CALN1: variants seen among roughly 807,000 people sequenced by gnomAD.
CALN1 encodes calcium-binding protein 8.
A neutral mutation model predicts 30.6 loss-of-function variants in CALN1; 17 were observed. That is an observed-to-expected ratio of 0.56 (90% CI 0.38 to 0.83). The LOEUF is 0.83. Among genes scored for constraint, CALN1 ranks in the 40% least tolerant of loss-of-function variants. The probability of loss-of-function intolerance (pLI) is 0.00; values close to 1 mark genes in which losing one functional copy is unlikely to be tolerated. For missense variants in CALN1, 291 were observed against 354.9 expected (o/e 0.82, Z 1.45); for synonymous variants, 156 against 131.4 (o/e 1.19, Z -1.28).
the CALN1 span, among the ~76,000 whole-genome samples, chr7:72,500,269 CTTTTTTTTTTTTTTT>C: frequency 2.5e-4 from 13 of 51,396 alleles, no homozygotes; most frequent in African/African-American, 9.3e-4. Flanking sequence ...TTCGTTCCTT[CTTTTTTTTTTTTTTT>C]TTTTTTTTTT....
chr7:72,484,703 TCTCAA>T, the CALN1 span, among the ~76,000 whole-genome samples: 1 of 152,080 alleles, frequency 6.6e-6, no homozygotes, highest in Non-Finnish European at 1.5e-5. Context: ...AGCTATCTCT[TCTCAA>T]CTCAAGAAGG....
chr7:72,459,625 C>CAA, the CALN1 span, among the ~76,000 whole-genome samples: 1,177 of 44,300 alleles, frequency 0.027, 24 homozygotes, highest in African/African-American at 0.083. Context: ...AACCCTGTCT[C>CAA]AAAAAAAAAA....
At chr7:72,311,777 G>A (rs981582463) in intron 2 of CALN1, among the ~76,000 whole-genome samples, 13 of 150,194 alleles carry the variant, frequency 8.7e-5, no homozygotes, top group East Asian at 7.8e-4. Context: ...GATTACAGGC[G>A]TGAGCCACCA....
chr7:71,856,311 C>A (rs971705486), intron 5 of CALN1, among the ~76,000 whole-genome samples: 1 of 151,758 alleles, frequency 6.6e-6, no homozygotes, highest in East Asian at 1.9e-4. Flanking sequence ...TATTTTGAGA[C>A]AGGGTCTTAC....
chr7:72,194,615 C>T (rs1175282896), intron 3 of CALN1, among the ~76,000 whole-genome samples: 7 of 105,944 alleles, frequency 6.6e-5, no homozygotes, highest in Non-Finnish European at 1.3e-4. Flanking sequence ...TTTTTTTTGA[C>T]AGAGTCTTGC....
chr7:72,035,610 G>A (rs1348067695), intron 4 of CALN1, among the ~76,000 whole-genome samples: 1 of 151,692 alleles, frequency 6.6e-6, no homozygotes, highest in African/African-American at 2.4e-5. Context: ...TCCTTTTTGT[G>A]TATATTTTAT....
At chr7:71,985,780 G>C (rs571711889) in intron 5 of CALN1, among the ~76,000 whole-genome samples, 3 of 151,806 alleles carry the variant, frequency 2.0e-5, no homozygotes, top group Non-Finnish European at 4.4e-5. Context: ...GATAGAGACA[G>C]GATTTCTCTG....
At chr7:72,397,422 G>A (rs574696306) in intron 2 of CALN1, among the ~76,000 whole-genome samples, 54 of 152,196 alleles carry the variant, frequency 3.5e-4, no homozygotes, top group African/African-American at 1.3e-3. Context: ...GCAACAAGAG[G>A]TGAGAATGTT....
intron 6 of CALN1, among the ~76,000 whole-genome samples, chr7:71,801,953 G>A (rs767553261): frequency 7.2e-5 from 11 of 151,792 alleles, no homozygotes; most frequent in Non-Finnish European, 1.0e-4. Context: ...ACTCCAGCCC[G>A]GGCAACAGAG....
intron 2 of CALN1, among the ~76,000 whole-genome samples, chr7:72,322,055 C>G (rs1258372851): frequency 2.0e-5 from 3 of 152,172 alleles, no homozygotes; most frequent in Non-Finnish European, 2.9e-5. Flanking sequence ...TTATCGTGCA[C>G]TTTATTTCTA....
At chr7:72,296,039 T>A (rs944865427) in intron 2 of CALN1, among the ~76,000 whole-genome samples, 2 of 152,200 alleles carry the variant, frequency 1.3e-5, no homozygotes, top group African/African-American at 4.8e-5. Flanking sequence ...ATACATCCCA[T>A]CAATACCTAA....
At chr7:71,975,288 A>G (rs1329156971) in intron 5 of CALN1, among the ~76,000 whole-genome samples, 1 of 152,162 alleles carries the variant, frequency 6.6e-6, no homozygotes, top group Non-Finnish European at 1.5e-5. Context: ...ATAAAAAACA[A>G]TAAAGTTTAA....
At chr7:72,177,196 A>C (rs1303571030) in intron 3 of CALN1, among the ~76,000 whole-genome samples, 1 of 152,230 alleles carries the variant, frequency 6.6e-6, no homozygotes, top group Non-Finnish European at 1.5e-5. Flanking sequence ...CTGATGCACC[A>C]GAACACTGTC....
At chr7:72,003,606 G>A (rs371390439) in intron 5 of CALN1, among the ~76,000 whole-genome samples, 3 of 152,308 alleles carry the variant, frequency 2.0e-5, no homozygotes, top group African/African-American at 7.2e-5. Context: ...AACTACACAT[G>A]TGAGGGATCT....
intron 5 of CALN1, among the ~76,000 whole-genome samples, chr7:71,847,953 C>A (rs561904407): frequency 6.6e-6 from 1 of 152,232 alleles, no homozygotes; most frequent in East Asian, 1.9e-4. Flanking sequence ...TGTGAGGCCT[C>A]CCCAGCCATG....
intron 4 of CALN1, among the ~76,000 whole-genome samples, chr7:72,042,691 G>A (rs968208205): frequency 2.6e-5 from 4 of 152,076 alleles, no homozygotes; most frequent in African/African-American, 7.2e-5. Flanking sequence ...AACTCTGATT[G>A]TGTCACTGCA....
intron 4 of CALN1, among the ~76,000 whole-genome samples, chr7:72,054,433 G>GTA (rs60932081): frequency 1.7e-4 from 17 of 99,584 alleles, no homozygotes; most frequent in South Asian, 3.7e-4. Context: ...ATATATACAC[G>GTA]TATATATATA....
At chr7:72,349,281 C>CG (rs1216610571) in intron 2 of CALN1, among the ~76,000 whole-genome samples, 11 of 111,048 alleles carry the variant, frequency 9.9e-5, no homozygotes, top group African/African-American at 2.7e-4. Flanking sequence ...AACACGCGTG[C>CG]TTGTGTGTGT....
intron 5 of CALN1, among the ~76,000 whole-genome samples, chr7:71,913,073 TTCG>T (rs976046305): frequency 1.3e-5 from 2 of 152,206 alleles, no homozygotes; most frequent in African/African-American, 4.8e-5. Flanking sequence ...GTTTATCTAC[TTCG>T]TCAACTTTAA....
Sources: gnomAD v4.1 joint callset for allele counts (sites outside exome capture counted in the v4.1 genomes callset) on GRCh38, gnomAD v4.1.1 for gene constraint, MANE v1.5 for transcripts, NCBI Gene and HGNC (gene_info 2026-07-23, HGNC 2026-07-21) for gene names.